The following PPFIA4 variants were observed in gnomAD, a reference collection of about 807,000 sequenced individuals.
PPFIA4 encodes PPFI scaffold protein A4, also known as liprin-alpha-4.
In PPFIA4, 98 loss-of-function variants were observed where a neutral mutation model predicts 145.7. The observed-to-expected ratio is 0.67, with a 90% CI of 0.57 to 0.80. The LOEUF (loss-of-function observed/expected upper bound fraction) is 0.80. PPFIA4 is among the 30% of genes least tolerant of loss of function. PPFIA4 has a pLI of 0.00. For missense variants in PPFIA4, 1,457 were observed against 1,632.7 expected (o/e 0.89, Z 1.85); for synonymous variants, 628 against 649.6 (o/e 0.97, Z 0.51).
intron 14 of PPFIA4, 161 bp from the exon 15 acceptor site, chr1:203,053,592 G>A: frequency 1.6e-6 from 1 of 633,578 alleles, no homozygotes; most frequent in Admixed American, 2.9e-5. Context: ...TTGTTAAAAT[G>A]CAGATGTTGA....
At chr1:203,040,396 G>A (rs1659616449) in intron 2 of PPFIA4, among the ~76,000 whole-genome samples, 1 of 152,250 alleles carries the variant, frequency 6.6e-6, no homozygotes, top group African/African-American at 2.4e-5. Context: ...AGTGTGTGGG[G>A]AAGAGAACAA....
chr1:203,064,829 G>A (rs895959113), intron 25 of PPFIA4, among the ~76,000 whole-genome samples: 4 of 152,216 alleles, frequency 2.6e-5, no homozygotes, highest in African/African-American at 4.8e-5. Flanking sequence ...TCTCTCACTT[G>A]TGTTACCTGC....
At position 203,048,433 on chromosome 1, in the gene PPFIA4, A is replaced by G; in HGVS notation, c.1224+123A>G. 6.9e-7 allele frequency: 1 copy of G among 1,457,484 alleles called. No homozygotes were observed. Among genetic ancestry groups the G allele is most frequent in the Non-Finnish European group, 9.4e-7 (1 of 1,065,986 alleles). 90.3% of individuals were successfully genotyped at this position (1,457,484 alleles called of 1,614,324 possible). A position where few individuals can be genotyped will look rare whatever the true frequency, so the allele number is the denominator to read the frequency against. On this transcript the variant is annotated intron_variant, in intron 10 of 29. Transcript: ENST00000295706. The surrounding 1 kb of genome is among the most constrained non-coding windows in gnomAD (Gnocchi z 5.8). ...GGACACAGCCACAGAGAGTGGGAGG[A>G]GGCTGGCAGGTGAAGGGGGAGGTGG...
At chr1:203,058,098 G>A (rs974795319) in intron 19 of PPFIA4, among the ~76,000 whole-genome samples, 2 of 152,118 alleles carry the variant, frequency 1.3e-5, no homozygotes, top group Non-Finnish European at 2.9e-5. Flanking sequence ...TTCGTGCAGG[G>A]GAGGAACTCA....
At chr1:203,045,111 C>T (rs56168319) in intron 6 of PPFIA4, among the ~76,000 whole-genome samples, 1,901 of 152,244 alleles carry the variant, frequency 0.012, 16 homozygotes, top group Middle Eastern at 0.027. Context: ...TTCTGGGTTA[C>T]AAGAGGCTGG....
Position 203,068,725 on chromosome 1 carries a change from G to T in PPFIA4, c.3324+97G>T. 1 of 1,291,046 alleles carries T rather than the reference G, an allele frequency of 7.7e-7. No homozygotes were observed. Among genetic ancestry groups the T allele is most frequent in the Non-Finnish European group, 1.0e-6 (1 of 982,580 alleles). 80.0% of individuals were successfully genotyped at this position (1,291,046 alleles called of 1,614,324 possible). On this transcript the variant is annotated intron_variant, in intron 27 of 29. Transcript: ENST00000295706. This position sits in a 1 kb window ranked among gnomAD's most constrained non-coding sequence, Gnocchi z 4.7. ...TACACAAAGGCTTAGGTATCTTGGG[G>T]GGTGGGGAGCTTTTCTAGGGCCTAT...
At chr1:203,074,770 G>C (rs536296591) in intron 28 of PPFIA4, among the ~76,000 whole-genome samples, 1 of 152,070 alleles carries the variant, frequency 6.6e-6, no homozygotes, top group Non-Finnish European at 1.5e-5. Flanking sequence ...GGAGGCCTGT[G>C]CAGAGGGGGA....
intron 1 of PPFIA4, among the ~76,000 whole-genome samples, chr1:203,032,329 G>C (rs1268657998): frequency 3.3e-5 from 5 of 152,026 alleles, no homozygotes; most frequent in African/African-American, 1.2e-4. Flanking sequence ...CCAGTCTTAA[G>C]TTAAAAAGGT....
intron 2 of PPFIA4, among the ~76,000 whole-genome samples, chr1:203,040,808 A>AG (rs1164775078): frequency 6.6e-6 from 1 of 152,200 alleles, no homozygotes; most frequent in Non-Finnish European, 1.5e-5. Context: ...CAGAGAGATT[A>AG]GGTAACTTAT....
intron 17 of PPFIA4, 99 bp from the exon 18 acceptor site, chr1:203,056,275 TC>T: frequency 6.3e-7 from 1 of 1,598,100 alleles, no homozygotes; most frequent in African/African-American, 1.3e-5. Flanking sequence ...ACCCAGGGCC[TC>T]CCCACTGCAT....
In PPFIA4 at chr1:203,048,423, G is replaced by T. The variant is rs1660240680; in HGVS notation, c.1224+113G>T. On this transcript the variant is annotated intron_variant, in intron 10 of 29. Transcript: ENST00000295706. This position sits in a 1 kb window ranked among gnomAD's most constrained non-coding sequence, Gnocchi z 5.8. Reference sequence around the variant, plus strand: ...GCCTGGCCAGGGACACAGCCACAGAGAGTGGGAGGAGGCTGGCAGGTGAAG... The same window carrying T: ...GCCTGGCCAGGGACACAGCCACAGATAGTGGGAGGAGGCTGGCAGGTGAAG... 5.5e-6 allele frequency: 8 copies of T among 1,461,424 alleles called. No homozygotes were observed. The South Asian group carries it at 8.5e-5, about 16-fold the overall frequency. 90.5% of individuals were successfully genotyped at this position (1,461,424 alleles called of 1,614,324 possible).
intron 9 of PPFIA4, among the ~76,000 whole-genome samples, chr1:203,046,884 G>A (rs546904955): frequency 6.6e-6 from 1 of 152,224 alleles, no homozygotes; most frequent in African/African-American, 2.4e-5. Context: ...TTGTTTGAAG[G>A]CTGCAGTTTT....
At position 203,035,913 on chromosome 1, in the gene PPFIA4, G is replaced by A. The variant is rs900613364; in HGVS notation, c.-399-2697G>A. Among the ~76,000 whole-genome samples, 15 of 152,342 alleles carry A rather than the reference G, an allele frequency of 9.8e-5. No individual in the cohort carries two copies. The South Asian group carries it at 2.9e-3, about 29-fold the overall frequency. On this transcript the variant is annotated intron_variant, in intron 1 of 29. Coordinates refer to ENST00000295706, the MANE Select transcript of PPFIA4 (RefSeq NM_001304331.2). Reference sequence around the variant, plus strand: ...AGCTTTACATGATGCCATTTGGCCAGGGGAAGTGGAGTTGCTCGCTGGCAC... The same window carrying A: ...AGCTTTACATGATGCCATTTGGCCAAGGGAAGTGGAGTTGCTCGCTGGCAC...
rs78668758 is a variant in PPFIA4 at position 203,072,802 on chromosome 1, T to G, written c.3393+1042T>G. ...TGTGGAAGTGTTTTCTTCACAGAGG[T>G]ACCTTGAAGTTTGGGAGAAAAGAAT... is the stretch of plus-strand genomic sequence containing the variant. On this transcript the variant is annotated intron_variant, in intron 28 of 29. Transcript: ENST00000295706. Among the ~76,000 whole-genome samples the G allele has an allele frequency of 3.3e-3, 508 of 152,316 alleles. 2 individuals are homozygous for G. Among genetic ancestry groups the G allele is most frequent in the African/African-American group, 0.012 (487 of 41,560 alleles).
Position 203,048,537 on chromosome 1 carries a change from G to A in PPFIA4, c.1225-46G>A, listed in dbSNP as rs1169900050. On this transcript the variant is annotated intron_variant, in intron 10 of 29. Transcript: ENST00000295706. The surrounding 1 kb of genome is among the most constrained non-coding windows in gnomAD (Gnocchi z 5.8). The stretch of plus-strand genomic sequence containing the variant: ...AGTCAAACCCCAGCAGGAGAGGGTG[G>A]TCCTCCCTGGGAGGGCGGCCTGGTG... The A allele has an allele frequency of 1.3e-6, 2 of 1,554,062 alleles. No individual in the cohort carries two copies. The highest frequency in any genetic ancestry group is 2.7e-5 in the African/African-American group (2 of 73,226).
At position 203,068,100 on chromosome 1, in the gene PPFIA4, A is replaced by G. The variant is rs1461074529; in HGVS notation, c.3148+308A>G. Among the ~76,000 whole-genome samples the G allele has an allele frequency of 6.6e-6, 1 of 152,148 alleles. No homozygotes were observed. The highest frequency in any genetic ancestry group is 1.5e-5 in the Non-Finnish European group (1 of 68,024). ...AACTTGTTGATCTGGATGGGGCTGG[A>G]TGGGAGATGCAAGTCTTAGAGGAGA... On this transcript the variant is annotated intron_variant, in intron 26 of 29. Coordinates refer to ENST00000295706, the MANE Select transcript of PPFIA4 (RefSeq NM_001304331.2). This position sits in a 1 kb window ranked among gnomAD's most constrained non-coding sequence, Gnocchi z 4.7.
chr1:203,052,048 C>CCG lies in PPFIA4; in HGVS notation c.1620+172_1620+173insGC, dbSNP rs1553257060. Among the ~76,000 whole-genome samples the CCG allele has an allele frequency of 1.2e-4, 16 of 136,368 alleles. 1 individual carries two copies. The East Asian group carries it at 2.5e-3, about 22-fold the overall frequency. The allele number at this position is 136,368 out of a possible 152,430, so 89.5% of individuals were successfully genotyped here. ...CATCGTCAGCTGCAACAGCTGTGCC[C>CCG]CCCCCCCCGCTTGCCTTGGCCTCCT... On this transcript the variant is annotated intron_variant, in intron 14 of 29. Coordinates refer to ENST00000295706, the MANE Select transcript of PPFIA4 (RefSeq NM_001304331.2).
At chr1:203,056,730 G>C (rs1660986873) in intron 18 of PPFIA4, 54 bp from the exon 19 acceptor site, 1 of 1,439,244 alleles carries the variant, frequency 6.9e-7, no homozygotes. Context: ...CTTTCCTGCT[G>C]TCACTTAAGT....
At chr1:203,038,434 C>T (rs1328306039) in intron 1 of PPFIA4, among the ~76,000 whole-genome samples, 176 bp from the exon 2 acceptor site, 1 of 152,162 alleles carries the variant, frequency 6.6e-6, no homozygotes, top group Non-Finnish European at 1.5e-5. Context: ...CATGTGCATT[C>T]CTTGGGAGAA....
Sources: allele counts gnomAD v4.1 joint callset (sites outside exome capture counted in the v4.1 genomes callset), GRCh38; gene constraint gnomAD v4.1.1; non-coding constraint Gnocchi (gnomAD v3.1); transcripts MANE v1.5; gene names NCBI Gene and HGNC (gene_info 2026-07-23, HGNC 2026-07-21).